CDH13: variants seen among roughly 807,000 people sequenced by gnomAD.
The protein encoded by CDH13 is cadherin-13.
A neutral mutation model predicts 63.8 loss-of-function variants in CDH13; 24 were observed. That is an observed-to-expected ratio of 0.38 (90% CI 0.27 to 0.53). CDH13 has a LOEUF of 0.53. CDH13 is among the 20% of genes least tolerant of loss of function. CDH13 has a pLI of 0.85. For missense variants in CDH13, 1,049 were observed against 903.1 expected (o/e 1.16, Z -2.07); for synonymous variants, 503 against 355.3 (o/e 1.42, Z -4.67).
intron 5 of CDH13, among the ~76,000 whole-genome samples, chr16:83,251,380 T>C (rs990710569): frequency 6.6e-6 from 1 of 152,206 alleles, no homozygotes; most frequent in African/African-American, 2.4e-5. Context: ...AGTTCTAGCA[T>C]TGCCCCATTT....
At chr16:83,553,321 T>C (rs1256366806) in intron 7 of CDH13, among the ~76,000 whole-genome samples, 1 of 152,210 alleles carries the variant, frequency 6.6e-6, no homozygotes, top group Non-Finnish European at 1.5e-5. Context: ...TCTAGTTTCA[T>C]TGTAGGCAAC....
chr16:83,184,376 C>T lies in CDH13; in HGVS notation c.484-32969C>T, dbSNP rs532169311. 3.3e-5 allele frequency among the ~76,000 whole-genome samples: 5 copies of T among 152,250 alleles called. No homozygotes were observed. The South Asian group carries it at 6.2e-4, about 19-fold the overall frequency. On this transcript the variant is annotated intron_variant, in intron 4 of 13. Coordinates refer to ENST00000567109, the MANE Select transcript of CDH13 (RefSeq NM_001257.5). ...TGTCCTCCCCGTATCATTCCTCAAC[C>T]AACAGAGGGACTCTATGAGAGGGAA...
chr16:82,918,094 G>C (rs954206219), intron 2 of CDH13, among the ~76,000 whole-genome samples: 1 of 152,206 alleles, frequency 6.6e-6, no homozygotes, highest in African/African-American at 2.4e-5. Context: ...CTGCGAGGCA[G>C]CTGGTGCCCT....
chr16:83,621,138 C>T (rs1909774671), intron 8 of CDH13, among the ~76,000 whole-genome samples: 1 of 152,160 alleles, frequency 6.6e-6, no homozygotes, highest in Non-Finnish European at 1.5e-5. Flanking sequence ...TACCCAGGCT[C>T]CAGACCCCAA....
At chr16:83,555,025 G>A (rs1301718650) in intron 7 of CDH13, among the ~76,000 whole-genome samples, 1 of 151,866 alleles carries the variant, frequency 6.6e-6, no homozygotes, top group Non-Finnish European at 1.5e-5. Flanking sequence ...CGGGGCCAGA[G>A]GTGGAGGGTA....
chr16:83,403,389 C>G (rs909283925), intron 6 of CDH13, among the ~76,000 whole-genome samples: 3 of 151,954 alleles, frequency 2.0e-5, no homozygotes, highest in African/African-American at 7.2e-5. Flanking sequence ...TTTGGGAGGC[C>G]GAGGCGGGTG....
At chr16:82,777,206 C>T (rs76537494) in intron 1 of CDH13, among the ~76,000 whole-genome samples, 34 of 152,272 alleles carry the variant, frequency 2.2e-4, no homozygotes, top group Admixed American at 9.8e-4. Context: ...TGGCCTCAAG[C>T]AATCCTCTCG....
rs1422023829 is a variant in CDH13, at chr16:82,876,335, A to C, written c.157+17862A>C. Among the ~76,000 whole-genome samples, 8 of 152,226 alleles carry C rather than the reference A, an allele frequency of 5.3e-5. No individual in the cohort carries two copies. The South Asian group carries it at 1.7e-3, about 31-fold the overall frequency. The stretch of plus-strand genomic sequence containing the variant: ...GCCTGAAACCATCATTGAGTAGTGA[A>C]TAGTACATTTTCCTAGATAATTAAA... On this transcript the variant is annotated intron_variant, in intron 2 of 13. Transcript: ENST00000567109.
intron 5 of CDH13, among the ~76,000 whole-genome samples, chr16:83,319,803 C>G (rs1469403869): frequency 6.6e-6 from 1 of 152,162 alleles, no homozygotes; most frequent in East Asian, 1.9e-4. Flanking sequence ...TGAATGGGCT[C>G]TAAGTGAATA....
chr16:83,499,514 G>A (rs1428440852), intron 7 of CDH13, among the ~76,000 whole-genome samples: 1 of 152,206 alleles, frequency 6.6e-6, no homozygotes, highest in Non-Finnish European at 1.5e-5. Context: ...CCATAATTAT[G>A]ATTTGCATGT....
chr16:82,796,122 C>A (rs16958685), intron 1 of CDH13, among the ~76,000 whole-genome samples: 6 of 151,852 alleles, frequency 4.0e-5, no homozygotes, highest in African/African-American at 1.5e-4. Context: ...GTGATAAGGT[C>A]TCTGTGTTAA....
At chr16:82,734,009 A>G (rs1217534317) in intron 1 of CDH13, among the ~76,000 whole-genome samples, 2 of 132,892 alleles carry the variant, frequency 1.5e-5, no homozygotes, top group South Asian at 2.8e-4. Context: ...CCAGATAGCA[A>G]TGAGGGCTGT....
chr16:83,273,616 C>G (rs1262653856), intron 5 of CDH13, among the ~76,000 whole-genome samples: 2 of 152,154 alleles, frequency 1.3e-5, no homozygotes, highest in Non-Finnish European at 2.9e-5. Context: ...AATATGAATT[C>G]TTAAGAAGCC....
chr16:82,695,629 T>C (rs79708678), intron 1 of CDH13, among the ~76,000 whole-genome samples: 5,315 of 152,212 alleles, frequency 0.035, 136 homozygotes, highest in African/African-American at 0.064. Context: ...TCCTATCAGT[T>C]TTTTAGGGAC....
chr16:82,938,937 A>AC (rs946366435), intron 2 of CDH13, among the ~76,000 whole-genome samples: 2 of 152,124 alleles, frequency 1.3e-5, no homozygotes, highest in African/African-American at 2.4e-5. Flanking sequence ...AACACTTCCA[A>AC]CCAGAGGGGC....
intron 8 of CDH13, among the ~76,000 whole-genome samples, chr16:83,617,726 A>G (rs1320618039): frequency 1.3e-5 from 2 of 151,612 alleles, no homozygotes; most frequent in Non-Finnish European, 2.9e-5. Context: ...CTAATATATA[A>G]TATCTATTCT....
chr16:83,348,497 C>T (rs370770365), intron 6 of CDH13, among the ~76,000 whole-genome samples: 1 of 152,162 alleles, frequency 6.6e-6, no homozygotes, highest in Non-Finnish European at 1.5e-5. Flanking sequence ...CTCACACAGC[C>T]AAGGGAACAG....
At chr16:82,870,940 G>A (rs2040322472) in intron 2 of CDH13, among the ~76,000 whole-genome samples, 1 of 152,140 alleles carries the variant, frequency 6.6e-6, no homozygotes, top group Non-Finnish European at 1.5e-5. Flanking sequence ...CTGATATCCA[G>A]TAGGCTTCCT....
At chr16:83,053,229 G>A (rs1429646390) in intron 3 of CDH13, among the ~76,000 whole-genome samples, 3 of 152,132 alleles carry the variant, frequency 2.0e-5, no homozygotes, top group Non-Finnish European at 4.4e-5. Flanking sequence ...AATGCCTAGG[G>A]ATGGAGAGTT....
Sources: gnomAD v4.1 joint callset for allele counts (sites outside exome capture counted in the v4.1 genomes callset) on GRCh38, gnomAD v4.1.1 for gene constraint, MANE v1.5 for transcripts, NCBI Gene and HGNC (gene_info 2026-07-23, HGNC 2026-07-21) for gene names.